KLF12: variants seen among roughly 807,000 people sequenced by gnomAD.
KLF12 encodes KLF transcription factor 12, also known as Krueppel-like factor 12.
A neutral mutation model predicts 37.8 loss-of-function variants in KLF12; 9 were observed. The ratio of observed to expected loss-of-function variants is 0.24; its 90% CI spans 0.14 to 0.42. The LOEUF (loss-of-function observed/expected upper bound fraction) is 0.42, where lower values mean the gene tolerates loss of function less well. Ranked by LOEUF, KLF12 falls within the 10% of genes least tolerant of loss-of-function variation. The pLI, the probability that KLF12 is intolerant of heterozygous loss-of-function variation, is 1.00. For synonymous variants in KLF12, 208 were observed against 202.1 expected (o/e 1.03, Z -0.25); for missense variants, 411 against 516.0 (o/e 0.80, Z 1.97).
chr13:74,123,301 GA>G (rs1055595292), intron 1 of KLF12, among the ~76,000 whole-genome samples: 1 of 152,094 alleles, frequency 6.6e-6, no homozygotes, highest in Non-Finnish European at 1.5e-5. Flanking sequence ...ACCTAAATAG[GA>G]AAAGTTTTTC....
At chr13:73,998,847 C>A (rs1892193416) in intron 1 of KLF12, among the ~76,000 whole-genome samples, 1 of 152,154 alleles carries the variant, frequency 6.6e-6, no homozygotes, top group Admixed American at 6.5e-5. Flanking sequence ...GAGATAAATG[C>A]AAATCTAAGT....
intron 4 of KLF12, among the ~76,000 whole-genome samples, chr13:73,831,323 A>G (rs944897362): frequency 3.3e-5 from 5 of 152,304 alleles, no homozygotes; most frequent in African/African-American, 1.2e-4. Context: ...TTCTCATTGC[A>G]AAACACTGAC....
the KLF12 span, among the ~76,000 whole-genome samples, chr13:74,246,676 A>G: frequency 2.0e-5 from 3 of 152,334 alleles, no homozygotes; most frequent in African/African-American, 7.2e-5. Context: ...GATGGCAAAG[A>G]TCACCTCAGT....
At position 74,002,526 on chromosome 13, in the gene KLF12, C is replaced by T. The variant is rs193026243; in HGVS notation, c.-31-7473G>A. 4.7e-3 allele frequency among the ~76,000 whole-genome samples: 711 copies of T among 152,230 alleles called. 8 individuals are homozygous for T. Among genetic ancestry groups the T allele is most frequent in the Non-Finnish European group, 8.5e-3 (577 of 68,006 alleles). ...GAGTAGCTGGGACTACAGGCTAGCG[C>T]CACCACATTCGGCTAATGTTTTGTA... is the stretch of plus-strand genomic sequence containing the variant. On this transcript the variant is annotated intron_variant, in intron 1 of 7. Coordinates refer to ENST00000377669, the MANE Select transcript of KLF12 (RefSeq NM_007249.5).
intron 3 of KLF12, among the ~76,000 whole-genome samples, chr13:73,905,792 G>T (rs1286760137): frequency 1.3e-5 from 2 of 149,676 alleles, no homozygotes; most frequent in African/African-American, 2.6e-5. Flanking sequence ...TGTTCATGAG[G>T]ATGGCTTCTC....
intron 1 of KLF12, among the ~76,000 whole-genome samples, chr13:74,013,473 T>C (rs917285266): frequency 1.3e-5 from 2 of 152,236 alleles, no homozygotes; most frequent in African/African-American, 4.8e-5. Flanking sequence ...GCATAATCTC[T>C]GTTTCTAAAA....
intron 2 of KLF12, among the ~76,000 whole-genome samples, chr13:73,969,156 T>A (rs369612881): frequency 6.6e-6 from 1 of 152,062 alleles, no homozygotes; most frequent in Non-Finnish European, 1.5e-5. Flanking sequence ...CCAAGAAATA[T>A]GAATCCATAA....
chr13:73,738,055 G>GTA lies in KLF12; in HGVS notation c.870-22532_870-22531dup, dbSNP rs549205124. 2.6e-3 allele frequency among the ~76,000 whole-genome samples: 249 copies of GTA among 97,080 alleles called. 4 individuals carry two copies. Among genetic ancestry groups the GTA allele is most frequent in the South Asian group, 3.5e-3 (12 of 3,436 alleles). The allele number at this position is 97,080 out of a possible 152,430, so 63.7% of individuals were successfully genotyped here. A position where few individuals can be genotyped will look rare whatever the true frequency, so the allele number is the denominator to read the frequency against. ...CACACACACACACACACATACGTGT[G>GTA]TATATATATATATACACACACATAT... On this transcript the variant is annotated intron_variant, in intron 6 of 7. Coordinates refer to ENST00000377669, the MANE Select transcript of KLF12 (RefSeq NM_007249.5).
chr13:73,821,041 G>C (rs1883498425), intron 4 of KLF12, among the ~76,000 whole-genome samples: 1 of 152,236 alleles, frequency 6.6e-6, no homozygotes, highest in Non-Finnish European at 1.5e-5. Flanking sequence ...CACAGAAACT[G>C]TAGGTCTGGT....
At chr13:73,956,602 T>C (rs1026214679) in intron 2 of KLF12, among the ~76,000 whole-genome samples, 3 of 152,152 alleles carry the variant, frequency 2.0e-5, no homozygotes, top group African/African-American at 7.2e-5. Flanking sequence ...TTATAATTGC[T>C]GATTCTATGA....
At chr13:73,831,554 T>C (rs1430117867) in intron 4 of KLF12, among the ~76,000 whole-genome samples, 1 of 152,208 alleles carries the variant, frequency 6.6e-6, no homozygotes, top group Non-Finnish European at 1.5e-5. Context: ...AAGCAATTAT[T>C]ACGCTGTAAT....
upstream of KLF12, among the ~76,000 whole-genome samples, chr13:74,135,250 C>T (rs1430026455): frequency 6.6e-6 from 1 of 152,018 alleles, no homozygotes; most frequent in African/African-American, 2.4e-5. Flanking sequence ...TGCGCCAGTT[C>T]TGTGGGAAAG....
chr13:74,140,819 C>T, the KLF12 span, among the ~76,000 whole-genome samples: 1 of 152,074 alleles, frequency 6.6e-6, no homozygotes. Flanking sequence ...TTTGGGAGGC[C>T]AAGGCGGGCA....
chr13:74,049,201 G>A (rs1893622576), intron 1 of KLF12, among the ~76,000 whole-genome samples: 1 of 152,236 alleles, frequency 6.6e-6, no homozygotes, highest in Admixed American at 6.5e-5. Flanking sequence ...TAGACATCTT[G>A]TACAAGAGAA....
the KLF12 span, among the ~76,000 whole-genome samples, chr13:74,191,002 T>C: frequency 2.0e-5 from 3 of 152,328 alleles, no homozygotes; most frequent in East Asian, 1.9e-4. Context: ...TCTGGAAGCA[T>C]AGGGCACTGC....
chr13:74,081,029 G>A (rs1874855998), intron 1 of KLF12, among the ~76,000 whole-genome samples: 2 of 152,226 alleles, frequency 1.3e-5, no homozygotes, highest in Non-Finnish European at 2.9e-5. Context: ...TCCATTGGGT[G>A]TGCAAACATT....
rs149878794 is a variant in KLF12, at chr13:73,695,562, G to A, written c.1137C>T (p.Cys379=). The change falls in exon 8 of 8, where the codon TGC becomes TGT. Residue 379 remains cysteine, a synonymous_variant. Transcript: ENST00000377669. ...GGGAAAAGCTGCGATCACAGTCCGC[G>A]CACTTGAATGGCTTCACTCCCGTAT... 4.9e-4 allele frequency: 792 copies of A among 1,614,074 alleles called. 7 individuals are homozygous for A. The African/African-American group carries it at 9.4e-3, about 19-fold the overall frequency.
chr13:73,937,368 A>T (rs960662696), intron 3 of KLF12, among the ~76,000 whole-genome samples: 1 of 152,214 alleles, frequency 6.6e-6, no homozygotes, highest in African/African-American at 2.4e-5. Flanking sequence ...ATGATCTTGT[A>T]GAAGCTGAAA....
chr13:73,779,343 T>G (rs1880819719), intron 5 of KLF12, among the ~76,000 whole-genome samples: 1 of 151,912 alleles, frequency 6.6e-6, no homozygotes, highest in African/African-American at 2.4e-5. Context: ...GCCTGGAGAG[T>G]GAGCACAATC....
Sources: gnomAD v4.1 joint callset for allele counts (sites outside exome capture counted in the v4.1 genomes callset) on GRCh38, gnomAD v4.1.1 for gene constraint, MANE v1.5 for transcripts, NCBI Gene and HGNC (gene_info 2026-07-23, HGNC 2026-07-21) for gene names.